Variants in PACRG observed in about 807,000 individuals in gnomAD.
PACRG encodes parkin coregulated gene protein.
In PACRG, 29 loss-of-function variants were observed where a neutral mutation model predicts 29.7. The observed-to-expected ratio is 0.98, with a 90% CI of 0.73 to 1.33. The LOEUF (loss-of-function observed/expected upper bound fraction) is 1.33, where lower values mean the gene tolerates loss of function less well. Ranked by LOEUF, PACRG falls within the 40% of genes most tolerant of loss-of-function variation. The pLI, the probability that PACRG is intolerant of heterozygous loss-of-function variation, is 0.00. For missense variants in PACRG, 279 were observed against 316.2 expected, an observed-to-expected ratio of 0.88 and a Z score of 0.89; for synonymous variants, 116 against 118.7, an observed-to-expected ratio of 0.98 and a Z score of 0.15.
At chr6:162,730,858 G>A (rs964035048) in intron 1 of PACRG, among the ~76,000 whole-genome samples, 1 of 152,116 alleles carries the variant, frequency 6.6e-6, no homozygotes, top group African/African-American at 2.4e-5. Context: ...TACACAACTT[G>A]AAGATTTCAT....
chr6:163,006,416 A>G (rs1162321059), intron 2 of PACRG, among the ~76,000 whole-genome samples: 6 of 151,696 alleles, frequency 4.0e-5, no homozygotes, highest in African/African-American at 1.4e-4. Context: ...TGTTCTATAA[A>G]TGTCAATTTA....
At chr6:162,878,644 C>T (rs185427644) in intron 2 of PACRG, among the ~76,000 whole-genome samples, 144 of 152,272 alleles carry the variant, frequency 9.5e-4, no homozygotes, top group Non-Finnish European at 1.7e-3. Flanking sequence ...CCATGTTATA[C>T]ATTAAGCTTT....
intron 2 of PACRG, among the ~76,000 whole-genome samples, chr6:162,838,890 A>G (rs1045517501): frequency 1.4e-5 from 2 of 147,830 alleles, no homozygotes; most frequent in South Asian, 2.2e-4. Context: ...ATGATTTGCA[A>G]TTTCATCCAT....
chr6:162,958,676 G>A (rs1800256736), intron 2 of PACRG, among the ~76,000 whole-genome samples: 2 of 151,234 alleles, frequency 1.3e-5, no homozygotes, highest in African/African-American at 4.9e-5. Context: ...AGGATCCTTT[G>A]TTTATGGAGC....
At chr6:162,986,697 A>G (rs891803320) in intron 2 of PACRG, among the ~76,000 whole-genome samples, 2 of 152,118 alleles carry the variant, frequency 1.3e-5, no homozygotes, top group Non-Finnish European at 2.9e-5. Context: ...CAACAAAAAT[A>G]TGATAATTAG....
intron 2 of PACRG, among the ~76,000 whole-genome samples, chr6:162,970,665 T>A (rs938084300): frequency 6.6e-6 from 1 of 152,256 alleles, no homozygotes; most frequent in Non-Finnish European, 1.5e-5. Flanking sequence ...AACATCCCGT[T>A]GTATCTTCAC....
chr6:162,887,782 C>G (rs1225019047), intron 2 of PACRG, among the ~76,000 whole-genome samples: 2 of 151,522 alleles, frequency 1.3e-5, no homozygotes, highest in African/African-American at 4.8e-5. Context: ...TGCAGAGTGC[C>G]CAGTCCCAAA....
At chr6:163,192,942 C>T (rs1211564874) in intron 4 of PACRG, among the ~76,000 whole-genome samples, 2 of 152,038 alleles carry the variant, frequency 1.3e-5, no homozygotes, top group African/African-American at 2.4e-5. Context: ...TCCAAATGCC[C>T]GATACTTCTT....
At chr6:163,142,232 T>TCAAG (rs1255516476) in intron 4 of PACRG, among the ~76,000 whole-genome samples, 2 of 151,954 alleles carry the variant, frequency 1.3e-5, no homozygotes, top group East Asian at 3.8e-4. Flanking sequence ...GAAATAGATG[T>TCAAG]CAAGGAAATG....
At chr6:162,732,786 C>G (rs1779872954) in intron 1 of PACRG, among the ~76,000 whole-genome samples, 1 of 152,146 alleles carries the variant, frequency 6.6e-6, no homozygotes, top group Admixed American at 6.5e-5. Context: ...ACTAATCTTT[C>G]TGGTACAATG....
chr6:163,253,927 C>A (rs755544459), intron 4 of PACRG, among the ~76,000 whole-genome samples: 1 of 152,158 alleles, frequency 6.6e-6, no homozygotes, highest in African/African-American at 2.4e-5. Context: ...TCCTGGAGAC[C>A]CCTGACGGGG....
At chr6:162,757,872 A>G (rs911772585) in intron 1 of PACRG, among the ~76,000 whole-genome samples, 1 of 152,162 alleles carries the variant, frequency 6.6e-6, no homozygotes, top group African/African-American at 2.4e-5. Flanking sequence ...TGAATAGGCA[A>G]TTTACAGAAA....
At chr6:163,072,822 C>G (rs995173702) in intron 3 of PACRG, among the ~76,000 whole-genome samples, 4 of 152,018 alleles carry the variant, frequency 2.6e-5, no homozygotes, top group Admixed American at 6.6e-5. Flanking sequence ...AGTGAACAAA[C>G]TGAAAAAGAA....
At chr6:162,983,119 G>C (rs540030419) in intron 2 of PACRG, among the ~76,000 whole-genome samples, 1 of 151,938 alleles carries the variant, frequency 6.6e-6, no homozygotes, top group South Asian at 2.1e-4. Context: ...CCTAAGAATA[G>C]CTCCTCCTGC....
At chr6:162,814,347 A>T in intron 2 of PACRG, 66 bp downstream of exon 2, 3 of 1,560,102 alleles carry the variant, frequency 1.9e-6, no homozygotes, top group African/African-American at 2.7e-5. Flanking sequence ...AATGCCAAAC[A>T]CACTTGGCTG....
chr6:163,026,705 C>T (rs1157202194), intron 2 of PACRG, among the ~76,000 whole-genome samples: 1 of 152,170 alleles, frequency 6.6e-6, no homozygotes, highest in African/African-American at 2.4e-5. Context: ...GGATTATGCC[C>T]ATCCTGTGCC....
At chr6:163,131,988 G>A (rs1019222310) in intron 4 of PACRG, among the ~76,000 whole-genome samples, 9 of 152,110 alleles carry the variant, frequency 5.9e-5, no homozygotes, top group Non-Finnish European at 8.8e-5. Context: ...AAACTACTGC[G>A]TAGCCATTTG....
intron 2 of PACRG, among the ~76,000 whole-genome samples, chr6:162,930,582 T>A (rs1797776760): frequency 6.6e-6 from 1 of 151,778 alleles, no homozygotes; most frequent in African/African-American, 2.4e-5. Context: ...TGCCCTTTGT[T>A]TATTTCTCTT....
chr6:162,820,185 A>C (rs1465848680), intron 2 of PACRG, among the ~76,000 whole-genome samples: 1 of 152,212 alleles, frequency 6.6e-6, no homozygotes, highest in Non-Finnish European at 1.5e-5. Context: ...TGAATAAATT[A>C]ATTAGATGCA....
Sources: allele counts gnomAD v4.1 joint callset (sites outside exome capture counted in the v4.1 genomes callset), GRCh38; gene constraint gnomAD v4.1.1; transcripts MANE v1.5; gene names NCBI Gene and HGNC (gene_info 2026-07-23, HGNC 2026-07-21).